Variants in B3GLCT observed in about 807,000 individuals in gnomAD.
The protein encoded by B3GLCT is beta 3-glucosyltransferase.
In B3GLCT, 65 loss-of-function variants were observed where a neutral mutation model predicts 63.4. The ratio of observed to expected loss-of-function variants is 1.03; its 90% CI spans 0.84 to 1.26. The LOEUF (loss-of-function observed/expected upper bound fraction) is 1.26, where lower values mean the gene tolerates loss of function less well. B3GLCT is among the 50% of genes most tolerant of loss of function. B3GLCT has a pLI of 0.00. For missense variants in B3GLCT, 577 were observed against 604.8 expected (o/e 0.95, Z 0.48); for synonymous variants, 233 against 219.2 (o/e 1.06, Z -0.55).
intron 4 of B3GLCT, 143 bp downstream of exon 4, chr13:31,229,437 G>A (rs999841433): frequency 1.1e-5 from 8 of 697,932 alleles, no homozygotes; most frequent in Non-Finnish European, 2.1e-5. Flanking sequence ...TTAATATTGA[G>A]TATTTGTTGT....
chr13:31,200,736 C>T (rs1301373224), intron 1 of B3GLCT, among the ~76,000 whole-genome samples: 3 of 152,020 alleles, frequency 2.0e-5, no homozygotes, highest in Non-Finnish European at 4.4e-5. Flanking sequence ...CGGGACGTGC[C>T]CTGGCCCCTG....
chr13:31,200,195 G>A, intron 1 of B3GLCT, 41 bp downstream of exon 1: 7 of 1,210,496 alleles, frequency 5.8e-6, no homozygotes, highest in Non-Finnish European at 6.2e-6. Context: ...CGAGGCGTGG[G>A]GTTCGCGGGC....
chr13:31,280,431 G>GA (rs1452417787), intron 10 of B3GLCT, among the ~76,000 whole-genome samples: 2 of 152,000 alleles, frequency 1.3e-5, no homozygotes, highest in Non-Finnish European at 2.9e-5. Context: ...AATGATGAAG[G>GA]AAAAAAATCT....
At chr13:31,258,774 C>T (rs1008737207) in intron 6 of B3GLCT, among the ~76,000 whole-genome samples, 2 of 152,106 alleles carry the variant, frequency 1.3e-5, no homozygotes, top group African/African-American at 4.8e-5. Flanking sequence ...GTGTGATTTT[C>T]TTTGTATTTG....
At chr13:31,253,346 C>T (rs138770489) in intron 6 of B3GLCT, among the ~76,000 whole-genome samples, 1 of 152,142 alleles carries the variant, frequency 6.6e-6, no homozygotes, top group African/African-American at 2.4e-5. Flanking sequence ...AATCCTAGCA[C>T]TTTGGGAGGC....
chr13:31,231,020 A>T (rs553935580), intron 4 of B3GLCT, among the ~76,000 whole-genome samples: 55 of 150,492 alleles, frequency 3.7e-4, no homozygotes, highest in African/African-American at 9.4e-4. Context: ...GAAAAAAAAA[A>T]TTTTTTTTTC....
chr13:31,224,505 G>A (rs1869990440), intron 3 of B3GLCT, among the ~76,000 whole-genome samples: 2 of 152,120 alleles, frequency 1.3e-5, no homozygotes, highest in Non-Finnish European at 2.9e-5. Context: ...CAATCTTTGT[G>A]TGAGCCTGCA....
chr13:31,244,408 C>T (rs1198894838), intron 4 of B3GLCT, among the ~76,000 whole-genome samples: 5 of 152,154 alleles, frequency 3.3e-5, no homozygotes, highest in Non-Finnish European at 7.4e-5. Flanking sequence ...AAGAGAATCA[C>T]TTGAACCTGG....
chr13:31,259,991 G>C (rs1177129959), intron 6 of B3GLCT, among the ~76,000 whole-genome samples: 1 of 152,062 alleles, frequency 6.6e-6, no homozygotes, highest in Non-Finnish European at 1.5e-5. Flanking sequence ...GTTCTATTGT[G>C]GTCAGAAGTG....
chr13:31,230,622 G>A (rs997646028), intron 4 of B3GLCT, among the ~76,000 whole-genome samples: 3 of 152,216 alleles, frequency 2.0e-5, no homozygotes, highest in Admixed American at 6.5e-5. Context: ...TGCTCTGCTT[G>A]AAACATCGTA....
intron 10 of B3GLCT, among the ~76,000 whole-genome samples, chr13:31,280,996 C>T (rs1269312469): frequency 6.6e-6 from 1 of 152,156 alleles, no homozygotes; most frequent in Non-Finnish European, 1.5e-5. Flanking sequence ...TTTTAATATT[C>T]AACTTGATTG....
intron 12 of B3GLCT, among the ~76,000 whole-genome samples, chr13:31,290,092 C>T (rs1873577486): frequency 1.3e-5 from 2 of 152,222 alleles, no homozygotes; most frequent in African/African-American, 4.8e-5. Flanking sequence ...TGTTCAACTC[C>T]CACTTATGAC....
At chr13:31,274,664 A>G (rs778491248) in intron 9 of B3GLCT, 36 bp downstream of exon 9, 6 of 1,612,800 alleles carry the variant, frequency 3.7e-6, no homozygotes, top group Non-Finnish European at 5.1e-6. Flanking sequence ...TGCATATCAA[A>G]GGAAAAATTT....
intron 1 of B3GLCT, among the ~76,000 whole-genome samples, chr13:31,204,813 AT>A (rs1422830656): frequency 6.6e-6 from 1 of 152,046 alleles, no homozygotes; most frequent in Non-Finnish European, 1.5e-5. Context: ...TCTGGGACTG[AT>A]TAGGTTCAGT....
intron 2 of B3GLCT, 34 bp from the exon 3 acceptor site, chr13:31,222,918 A>C (rs202023402): frequency 5.0e-6 from 7 of 1,404,310 alleles, no homozygotes; most frequent in Non-Finnish European, 6.1e-6. Context: ...TTATGTACTG[A>C]GATTCATCTT....
At chr13:31,246,966 T>TC in intron 4 of B3GLCT, 57 bp from the exon 5 acceptor site, 1 of 1,093,844 alleles carries the variant, frequency 9.1e-7, no homozygotes, top group Non-Finnish European at 1.3e-6. Context: ...TTTTTTTTTT[T>TC]ACTTTTTTTC....
At chr13:31,300,804 C>T (rs1874185888) in intron 12 of B3GLCT, among the ~76,000 whole-genome samples, 2 of 152,180 alleles carry the variant, frequency 1.3e-5, no homozygotes, top group Admixed American at 1.3e-4. Flanking sequence ...CCTCTGTCCA[C>T]ATGATTCTTG....
chr13:31,242,506 A>G (rs1193065738), intron 4 of B3GLCT, among the ~76,000 whole-genome samples: 1 of 152,242 alleles, frequency 6.6e-6, no homozygotes, highest in African/African-American at 2.4e-5. Context: ...AGTGCCTGGC[A>G]TGTATTAACT....
chr13:31,283,861 T>TAA (rs1873187816), intron 10 of B3GLCT, among the ~76,000 whole-genome samples: 1 of 152,230 alleles, frequency 6.6e-6, no homozygotes, highest in Non-Finnish European at 1.5e-5. Flanking sequence ...TAAATGTTTT[T>TAA]TCTATTGAAA....
Sources: allele counts gnomAD v4.1 joint callset (sites outside exome capture counted in the v4.1 genomes callset), GRCh38; gene constraint gnomAD v4.1.1; transcripts MANE v1.5; gene names NCBI Gene and HGNC (gene_info 2026-07-23, HGNC 2026-07-21).